The following PRR23E variants were observed in gnomAD, a reference collection of about 807,000 sequenced individuals.
PRR23E encodes PRR23 family member E, also known as proline-rich protein 23E.
chr3:127,195,742 TG>T, the PRR23E span, among the ~76,000 whole-genome samples: 48 of 152,302 alleles, frequency 3.2e-4, no homozygotes, highest in Admixed American at 4.6e-4. Flanking sequence ...TCCTTGATGC[TG>T]GGGCTGGGGG....
At chr3:127,194,465 G>A in the PRR23E span, among the ~76,000 whole-genome samples, 9 of 152,330 alleles carry the variant, frequency 5.9e-5, no homozygotes, top group East Asian at 1.9e-4. Flanking sequence ...GCAAGGATAC[G>A]CGTATCACAG....
the PRR23E span, chr3:127,196,855 T>TC: frequency 6.3e-7 from 1 of 1,599,338 alleles, no homozygotes; most frequent in Non-Finnish European, 8.5e-7. Flanking sequence ...GACCTGGCCC[T>TC]CTGGCCTGTC....
the PRR23E span, among the ~76,000 whole-genome samples, chr3:127,195,176 C>G: frequency 3.3e-5 from 5 of 152,208 alleles, no homozygotes; most frequent in Non-Finnish European, 7.3e-5. Flanking sequence ...TCAGCCCACA[C>G]ACACCTAACT....
the PRR23E span, among the ~76,000 whole-genome samples, chr3:127,194,234 AG>A: frequency 6.6e-6 from 1 of 152,194 alleles, no homozygotes; most frequent in African/African-American, 2.4e-5. Flanking sequence ...TAACTCTTGC[AG>A]GGGTGTCCAA....
chr3:127,193,444 G>T, the PRR23E span, among the ~76,000 whole-genome samples: 5 of 151,954 alleles, frequency 3.3e-5, no homozygotes, highest in African/African-American at 7.3e-5. Flanking sequence ...AGTTCAGCAG[G>T]CCTGAAAGTG....
At chr3:127,196,613 C>T in the PRR23E span, 14 of 1,478,030 alleles carry the variant, frequency 9.5e-6, no homozygotes, top group South Asian at 6.9e-5. Flanking sequence ...CCGTGAGGTG[C>T]GTGTGGCCTC....
At chr3:127,197,065 T>TGA in the PRR23E span, 1 of 1,597,126 alleles carries the variant, frequency 6.3e-7, no homozygotes, top group Non-Finnish European at 8.5e-7. Context: ...GCCCCCAACC[T>TGA]ATTTCCTTTC....
chr3:127,196,524 T>C, the PRR23E span: 2 of 964,296 alleles, frequency 2.1e-6, no homozygotes, highest in Non-Finnish European at 2.9e-6. Context: ...GCTGTCCCCC[T>C]CCTCCCATCC....
At chr3:127,195,708 G>A in the PRR23E span, among the ~76,000 whole-genome samples, 1 of 152,084 alleles carries the variant, frequency 6.6e-6, no homozygotes, top group African/African-American at 2.4e-5. Context: ...GGACCCCAGG[G>A]GTCCTGACCG....
chr3:127,196,014 G>T, the PRR23E span, among the ~76,000 whole-genome samples: 2 of 152,088 alleles, frequency 1.3e-5, no homozygotes, highest in Non-Finnish European at 2.9e-5. Flanking sequence ...GTCAGGTGTG[G>T]GTGCTGAATA....
chr3:127,194,630 C>G, the PRR23E span, among the ~76,000 whole-genome samples: 1 of 152,140 alleles, frequency 6.6e-6, no homozygotes, highest in South Asian at 2.1e-4. Context: ...CTCCTGCCCC[C>G]TTTTCCAGGA....
At chr3:127,195,308 C>T in the PRR23E span, among the ~76,000 whole-genome samples, 1 of 152,138 alleles carries the variant, frequency 6.6e-6, no homozygotes, top group Non-Finnish European at 1.5e-5. Flanking sequence ...CGGTTTCTTC[C>T]ATCTGTGGTC....
At chr3:127,196,777 C>T in the PRR23E span, 42 of 1,597,098 alleles carry the variant, frequency 2.6e-5, no homozygotes, top group Non-Finnish European at 3.5e-5. Context: ...CTGGCAGCCT[C>T]AACCCCCTGG....
chr3:127,197,347 A>T, the PRR23E span: 1 of 1,592,518 alleles, frequency 6.3e-7, no homozygotes, highest in Non-Finnish European at 8.5e-7. Flanking sequence ...TCTCAGCTGG[A>T]CCCGGGCTGC....
At chr3:127,194,462 T>A in the PRR23E span, among the ~76,000 whole-genome samples, 1 of 152,252 alleles carries the variant, frequency 6.6e-6, no homozygotes, top group Non-Finnish European at 1.5e-5. Flanking sequence ...CTTGCAAGGA[T>A]ACGCGTATCA....
At chr3:127,195,281 C>G in the PRR23E span, among the ~76,000 whole-genome samples, 34,319 of 152,078 alleles carry the variant, frequency 0.23, 4,411 homozygotes, top group Admixed American at 0.3. Context: ...ACATCCATTT[C>G]TCTTCCTTTC....
chr3:127,197,394 C>T, the PRR23E span: 26 of 1,558,292 alleles, frequency 1.7e-5, no homozygotes, highest in Middle Eastern at 1.7e-4. Flanking sequence ...CAGGGCCCGC[C>T]GCCGCCTCTT....
the PRR23E span, chr3:127,197,179 C>T: frequency 1.9e-6 from 3 of 1,591,078 alleles, no homozygotes; most frequent in Non-Finnish European, 2.6e-6. Flanking sequence ...GCCAGCTCAG[C>T]CCCCAGGGCT....
the PRR23E span, among the ~76,000 whole-genome samples, chr3:127,194,089 A>T: frequency 2.0e-5 from 3 of 151,928 alleles, no homozygotes; most frequent in South Asian, 2.1e-4. Flanking sequence ...ATTTTGTGGC[A>T]TTTTTTTTAA....
Sources: allele counts gnomAD v4.1 joint callset (sites outside exome capture counted in the v4.1 genomes callset), GRCh38; gene constraint gnomAD v4.1.1; transcripts MANE v1.5; gene names NCBI Gene and HGNC (gene_info 2026-07-23, HGNC 2026-07-21).